The following TAFA1 variants were observed in gnomAD, a reference collection of about 807,000 sequenced individuals.
The protein encoded by TAFA1 is chemokine-like protein TAFA-1.
In TAFA1, 4 loss-of-function variants were observed where a neutral mutation model predicts 18.5. The ratio of observed to expected loss-of-function variants is 0.22; its 90% CI spans 0.11 to 0.49. The LOEUF is 0.49. Ranked by LOEUF, TAFA1 falls within the 20% of genes least tolerant of loss-of-function variation. The pLI is 0.98. For missense variants in TAFA1, 147 were observed against 169.0 expected, an observed-to-expected ratio of 0.87 and a Z score of 0.72; for synonymous variants, 56 against 55.2, an observed-to-expected ratio of 1.01 and a Z score of -0.06.
intron 2 of TAFA1, among the ~76,000 whole-genome samples, chr3:68,243,092 G>C (rs1208534726): frequency 1.3e-5 from 2 of 151,306 alleles, no homozygotes; most frequent in Non-Finnish European, 2.9e-5. Flanking sequence ...TTTTTTTCGA[G>C]ACAAGGTCTT....
At chr3:68,405,357 G>C (rs1264444829) in intron 2 of TAFA1, among the ~76,000 whole-genome samples, 1 of 151,882 alleles carries the variant, frequency 6.6e-6, no homozygotes, top group Non-Finnish European at 1.5e-5. Context: ...GGTAGGAGTA[G>C]ACAAGTCAGG....
intron 2 of TAFA1, among the ~76,000 whole-genome samples, chr3:68,122,118 C>T (rs1329132177): frequency 6.6e-6 from 1 of 152,004 alleles, no homozygotes; most frequent in African/African-American, 2.4e-5. Flanking sequence ...GGATTCAAAC[C>T]TCATTCTGTC....
At chr3:68,508,182 G>A (rs928853116) in intron 3 of TAFA1, among the ~76,000 whole-genome samples, 1 of 151,756 alleles carries the variant, frequency 6.6e-6, no homozygotes, top group South Asian at 2.1e-4. Context: ...GTTTTCTGAT[G>A]TGTTTTCTTA....
intron 2 of TAFA1, among the ~76,000 whole-genome samples, chr3:68,307,127 C>T (rs1376530439): frequency 1.3e-5 from 2 of 152,010 alleles, no homozygotes; most frequent in Admixed American, 6.6e-5. Context: ...AATACATTGC[C>T]CTAGCCCATA....
In TAFA1 at chr3:68,386,978, C is replaced by T. The variant is rs114113950; in HGVS notation, c.119-30302C>T. On this transcript the variant is annotated intron_variant, in intron 2 of 4. Transcript: ENST00000478136. ...TTTGATATGGAAATACATATACTTG[C>T]CCTACATCTAGATTGCTAGTGTGCT... is the stretch of plus-strand genomic sequence containing the variant. Among the ~76,000 whole-genome samples, 892 of 152,138 alleles carry T rather than the reference C, an allele frequency of 5.9e-3. 8 individuals are homozygous for T. The highest frequency in any genetic ancestry group is 0.02 in the African/African-American group (847 of 41,504).
intron 2 of TAFA1, among the ~76,000 whole-genome samples, chr3:68,285,987 C>G (rs957211055): frequency 6.6e-6 from 1 of 151,934 alleles, no homozygotes; most frequent in Non-Finnish European, 1.5e-5. Flanking sequence ...CTGAGGCAGG[C>G]AGATCACGAG....
intron 2 of TAFA1, among the ~76,000 whole-genome samples, chr3:68,105,910 C>T (rs2065197775): frequency 6.6e-6 from 1 of 152,110 alleles, no homozygotes; most frequent in Non-Finnish European, 1.5e-5. Flanking sequence ...CAGGATATGT[C>T]AGAAACTGGT....
At chr3:68,052,285 A>T (rs1316651208) in intron 2 of TAFA1, among the ~76,000 whole-genome samples, 1 of 152,092 alleles carries the variant, frequency 6.6e-6, no homozygotes, top group African/African-American at 2.4e-5. Flanking sequence ...GAGAATTTTT[A>T]TTAAACAATG....
intron 2 of TAFA1, among the ~76,000 whole-genome samples, chr3:68,275,024 G>A (rs1206589541): frequency 6.6e-6 from 1 of 152,016 alleles, no homozygotes; most frequent in Non-Finnish European, 1.5e-5. Context: ...AAAGAGATAA[G>A]TTATATTACA....
intron 2 of TAFA1, among the ~76,000 whole-genome samples, chr3:68,144,186 A>C (rs2065707820): frequency 6.6e-6 from 1 of 152,080 alleles, no homozygotes; most frequent in South Asian, 2.1e-4. Context: ...CTTGGAAGGC[A>C]TTTTCTAAAT....
chr3:68,457,261 T>G (rs955626020), intron 3 of TAFA1, among the ~76,000 whole-genome samples: 3 of 152,228 alleles, frequency 2.0e-5, no homozygotes, highest in Admixed American at 1.3e-4. Flanking sequence ...AATGGCTCCA[T>G]GTATGGCCTG....
At chr3:68,341,091 G>A (rs2069074386) in intron 2 of TAFA1, among the ~76,000 whole-genome samples, 1 of 152,188 alleles carries the variant, frequency 6.6e-6, no homozygotes, top group South Asian at 2.1e-4. Context: ...CCTAGACAGA[G>A]CTGATGTATC....
chr3:68,255,445 G>A (rs1053321403), intron 2 of TAFA1, among the ~76,000 whole-genome samples: 1 of 152,026 alleles, frequency 6.6e-6, no homozygotes, highest in Non-Finnish European at 1.5e-5. Flanking sequence ...ATTGAGAATT[G>A]AGAACTTTTT....
chr3:68,430,403 G>A (rs1016540281), intron 3 of TAFA1, among the ~76,000 whole-genome samples: 8 of 151,888 alleles, frequency 5.3e-5, no homozygotes, highest in African/African-American at 9.7e-5. Flanking sequence ...AGTTAGATAC[G>A]GCCAAACAAG....
intron 3 of TAFA1, among the ~76,000 whole-genome samples, chr3:68,451,351 GAT>G (rs1390380879): frequency 1.3e-5 from 2 of 152,144 alleles, no homozygotes; most frequent in Non-Finnish European, 2.9e-5. Context: ...GCAGTTGACT[GAT>G]ATCCAGAGGG....
chr3:68,506,200 A>C (rs536423175), intron 3 of TAFA1, among the ~76,000 whole-genome samples: 50 of 152,112 alleles, frequency 3.3e-4, no homozygotes, highest in African/African-American at 1.2e-3. Context: ...TCATCCATGT[A>C]CCTGCAAAGG....
At chr3:68,178,319 C>A (rs1477922462) in intron 2 of TAFA1, among the ~76,000 whole-genome samples, 1 of 152,178 alleles carries the variant, frequency 6.6e-6, no homozygotes, top group Non-Finnish European at 1.5e-5. Context: ...GCCAGACATG[C>A]TGATTCAATG....
chr3:68,091,339 G>T (rs2065027941), intron 2 of TAFA1, among the ~76,000 whole-genome samples: 2 of 152,072 alleles, frequency 1.3e-5, no homozygotes, highest in Admixed American at 1.3e-4. Context: ...TATGTTTATT[G>T]TTTTTTCCAT....
intron 3 of TAFA1, among the ~76,000 whole-genome samples, chr3:68,500,553 A>G (rs2665536): frequency 0.2 from 30,833 of 152,060 alleles, 3,228 homozygotes; most frequent in Middle Eastern, 0.24. Context: ...CTGGTCCACC[A>G]CTAGTTTTTA....
Sources: allele counts gnomAD v4.1 joint callset (sites outside exome capture counted in the v4.1 genomes callset), GRCh38; gene constraint gnomAD v4.1.1; transcripts MANE v1.5; gene names NCBI Gene and HGNC (gene_info 2026-07-23, HGNC 2026-07-21).